Variants in RAD50 observed in about 807,000 individuals in gnomAD.
RAD50 encodes RAD50 double strand break repair protein, also known as DNA repair protein RAD50.
In RAD50, 132 loss-of-function variants were observed where a neutral mutation model predicts 168.8. The ratio of observed to expected loss-of-function variants is 0.78; its 90% CI spans 0.68 to 0.90. RAD50 has a LOEUF of 0.90. Among genes scored for constraint, RAD50 ranks in the 40% least tolerant of loss-of-function variants. The pLI, the probability that RAD50 is intolerant of heterozygous loss-of-function variation, is 0.00. For missense variants in RAD50, 1,347 were observed against 1,534.4 expected, an observed-to-expected ratio of 0.88 and a Z score of 2.04; for synonymous variants, 525 against 497.4, an observed-to-expected ratio of 1.06 and a Z score of -0.74.
In RAD50 at chr5:132,557,271, A is replaced by G; in HGVS notation, c.-54A>G. The G allele has an allele frequency of 6.2e-7, 1 of 1,601,096 alleles. No homozygotes were observed. Among genetic ancestry groups the G allele is most frequent in the Non-Finnish European group, 8.6e-7 (1 of 1,168,086 alleles). On this transcript the variant is annotated 5_prime_UTR_variant, in exon 1 of 25. Transcript: ENST00000378823. ...CCCGTGCACGCCTTGCTTCGGCCTC[A>G]GTTAAGCCTTTGTGGGCTCCAGGTC... is the stretch of plus-strand genomic sequence containing the variant.
At chr5:132,632,154 A>T (rs1376144376) in intron 21 of RAD50, among the ~76,000 whole-genome samples, 2 of 152,238 alleles carry the variant, frequency 1.3e-5, no homozygotes, top group African/African-American at 4.8e-5. Context: ...TTGGAATGTT[A>T]TGTTGATTAA....
At chr5:132,575,662 G>A (rs1466938873) in intron 2 of RAD50, 115 bp from the exon 3 acceptor site, 1 of 933,090 alleles carries the variant, frequency 1.1e-6, no homozygotes, top group Non-Finnish European at 1.7e-6. Context: ...CACTCATTTT[G>A]GATGTTTTTC....
intron 3 of RAD50, among the ~76,000 whole-genome samples, chr5:132,578,529 T>C (rs1221661703): frequency 2.7e-3 from 365 of 136,616 alleles, no homozygotes; most frequent in African/African-American, 8.9e-3. Flanking sequence ...TCTTTCTTTT[T>C]TTTTTTTTTT....
chr5:132,557,007 G>C lies in RAD50; in HGVS notation c.-318G>C, dbSNP rs971437916. 2 of 746,228 alleles carry C rather than the reference G, an allele frequency of 2.7e-6. No homozygotes were observed. Among genetic ancestry groups the C allele is most frequent in the Non-Finnish European group, 3.9e-6 (2 of 506,418 alleles). The allele number at this position is 746,228 out of a possible 1,614,324, so 46.2% of individuals were successfully genotyped here. ...ATCCGCAGGGCGGCCGAGGCAGGAA[G>C]CTGTGAGTGCGCGGTTGCGGGGTCG... On this transcript the variant is annotated 5_prime_UTR_variant, in exon 1 of 25. Coordinates refer to ENST00000378823, the MANE Select transcript of RAD50 (RefSeq NM_005732.4).
In RAD50 at chr5:132,557,118, G is replaced by T; in HGVS notation, c.-207G>T. On this transcript the variant is annotated 5_prime_UTR_variant, in exon 1 of 25. Transcript: ENST00000378823. ...CTCCCCACCGGCGGGGAAAGCAGCT[G>T]GTGTGGGAGGAAAGGCTCCATCCCC... 1 of 735,420 alleles carries T rather than the reference G, an allele frequency of 1.4e-6. No homozygotes were observed. The highest frequency in any genetic ancestry group is 2.2e-6 in the Non-Finnish European group (1 of 450,528). 45.6% of individuals were successfully genotyped at this position (735,420 alleles called of 1,614,324 possible).
Position 132,642,255 on chromosome 5 carries a change from T to C in RAD50, c.3830T>C (p.Leu1277Ser), listed in dbSNP as rs1465553844. The stretch of plus-strand genomic sequence containing the variant: ...CATGATGAAGATTTTGTGGAGCTTT[T>C]AGGACGTTCTGAATATGTGGAGAAA... ...ITHDEDFVELLGRSEYVEKFY... is the reference protein window; with the variant it reads ...ITHDEDFVELSGRSEYVEKFY... The change falls in exon 25 of 25, where the codon TTA (leucine) becomes TCA (serine). Residue 1277 changes from leucine to serine, a missense_variant. Leu to Ser is a moderately radical substitution (Grantham distance 145, BLOSUM62 -2). Around this residue, in one of 3 missense-constraint regions of RAD50, gnomAD observed 635 missense variants for 739.2 expected, o/e 0.86. Transcript: ENST00000378823. 6.2e-7 allele frequency: 1 copy of C among 1,614,140 alleles called. No individual in the cohort carries two copies. The highest frequency in any genetic ancestry group is 1.3e-5 in the African/African-American group (1 of 75,056).
In RAD50 at chr5:132,557,851, C is replaced by T. The variant is rs117396418; in HGVS notation, c.129+398C>T. 2.8e-4 allele frequency among the ~76,000 whole-genome samples: 42 copies of T among 152,332 alleles called. 1 individual carries two copies. In the East Asian group the frequency reaches 7.5e-3, roughly 27 times the overall value. On this transcript the variant is annotated intron_variant, in intron 1 of 24. Coordinates refer to ENST00000378823, the MANE Select transcript of RAD50 (RefSeq NM_005732.4). ...TTCCTTTAAAAGTTATAAAATGATA[C>T]ATACATGACTAAAGAGTTTCCAAGT...
At chr5:132,606,907 T>TA (rs1178968907) in intron 16 of RAD50, among the ~76,000 whole-genome samples, 10 of 152,154 alleles carry the variant, frequency 6.6e-5, no homozygotes, top group Admixed American at 3.9e-4. Context: ...AGGCCTTCGA[T>TA]AAAATTCAAC....
At chr5:132,640,294 A>G (rs1019613992) in intron 23 of RAD50, among the ~76,000 whole-genome samples, 6 of 152,264 alleles carry the variant, frequency 3.9e-5, no homozygotes, top group Non-Finnish European at 5.9e-5. Context: ...TTATCAGGCA[A>G]ATAGCCAGGT....
chr5:132,588,817 A>G lies in RAD50; in HGVS notation c.1182A>G (p.Lys394=), dbSNP rs781558076. ...ERGPFSERQI[K]NFHKLVRERQ... The stretch of plus-strand genomic sequence containing the variant: ...GACCATTCAGTGAAAGACAGATTAA[A>G]AATTTTCACAAACTTGTGAGAGAGA... The change falls in exon 8 of 25, where the codon AAA becomes AAG. Residue 394 remains lysine (K), a synonymous_variant. Coordinates refer to ENST00000378823, the MANE Select transcript of RAD50 (RefSeq NM_005732.4). 6.2e-7 allele frequency: 1 copy of G among 1,614,114 alleles called. No homozygotes were observed. The highest frequency in any genetic ancestry group is 1.7e-5 in the Admixed American group (1 of 60,016).
At chr5:132,624,853 CAGAA>C (rs1225303601) in intron 21 of RAD50, among the ~76,000 whole-genome samples, 2 of 101,498 alleles carry the variant, frequency 2.0e-5, no homozygotes, top group African/African-American at 8.6e-5. Flanking sequence ...GCGTGGGTGA[CAGAA>C]AGAGACCCTG....
At chr5:132,571,164 A>G (rs1343124919) in intron 2 of RAD50, among the ~76,000 whole-genome samples, 1 of 152,224 alleles carries the variant, frequency 6.6e-6, no homozygotes, top group African/African-American at 2.4e-5. Flanking sequence ...AGATCACTAT[A>G]ACAGATACAA....
In RAD50 at chr5:132,643,277, C is replaced by T; in HGVS notation, c.*913C>T. On this transcript the variant is annotated 3_prime_UTR_variant, in exon 25 of 25. Coordinates refer to ENST00000378823, the MANE Select transcript of RAD50 (RefSeq NM_005732.4). ...TCCAACCAGACCTGGAAGAACAGGC[C>T]TCTCCATTTGCTCTTCAGATGCCAC... 1 of 254,782 alleles carries T rather than the reference C, an allele frequency of 3.9e-6. No individual in the cohort carries two copies. The highest frequency in any genetic ancestry group is 8.0e-6 in the Non-Finnish European group (1 of 124,814). 15.8% of individuals were successfully genotyped at this position (254,782 alleles called of 1,614,324 possible).
chr5:132,595,470 G>A, intron 12 of RAD50, 103 bp from the exon 13 acceptor site: 3 of 699,930 alleles, frequency 4.3e-6, no homozygotes, highest in Non-Finnish European at 6.9e-6. Context: ...TATTTATAAA[G>A]CAAGAATAAT....
rs144186349 is a variant in RAD50 at position 132,603,390 on chromosome 5, C to T, written c.2298C>T (p.Asn766=). 19 of 1,613,548 alleles carry T rather than the reference C, an allele frequency of 1.2e-5. No individual in the cohort carries two copies. The highest frequency in any genetic ancestry group is 1.1e-4 in the African/African-American group (8 of 74,864). Residue 766 remains asparagine, a synonymous_variant, in exon 14 of 25, where the codon AAC becomes AAT. Transcript: ENST00000378823. The part of the protein sequence containing the change: ...NVNRDIQRLK[N]DIEEQETLLG... Reference sequence around the variant, plus strand: ...ATAGAGACATACAGCGCCTAAAGAACGACATAGAAGAACAAGAAACACTCT... The same window carrying T: ...ATAGAGACATACAGCGCCTAAAGAATGACATAGAAGAACAAGAAACACTCT...
At chr5:132,624,720 G>A (rs181289492) in intron 21 of RAD50, among the ~76,000 whole-genome samples, 110 of 152,028 alleles carry the variant, frequency 7.2e-4, no homozygotes, top group Admixed American at 2.9e-3. Flanking sequence ...GCAACATGGC[G>A]AAACCCCATC....
intron 15 of RAD50, 28 bp downstream of exon 15, chr5:132,604,074 C>T (rs1291379332): frequency 2.5e-6 from 4 of 1,611,202 alleles, no homozygotes; most frequent in Non-Finnish European, 3.4e-6. Flanking sequence ...CTTCTGTACT[C>T]ATAGAGACTT....
intron 2 of RAD50, among the ~76,000 whole-genome samples, chr5:132,560,550 A>G (rs965800917): frequency 2.6e-5 from 4 of 152,228 alleles, no homozygotes; most frequent in African/African-American, 9.6e-5. Context: ...AGAAATAGGA[A>G]GAATCAAATG....
Position 132,642,343 on chromosome 5 carries a change from C to A in RAD50, c.3918C>A (p.Ser1306=). The A allele has an allele frequency of 6.2e-7, 1 of 1,613,688 alleles. No homozygotes were observed. The highest frequency in any genetic ancestry group is 8.5e-7 in the Non-Finnish European group (1 of 1,179,740). Residue 1306 remains serine (S), a synonymous_variant, in exon 25 of 25, where the codon TCC becomes TCA. Coordinates refer to ENST00000378823, the MANE Select transcript of RAD50 (RefSeq NM_005732.4). ...AGATTGTGAAATGCAGTGTTAGCTC[C>A]CTGGGATTCAATGTTCATTAAAAAT... ...CSEIVKCSVS[S]LGFNVH
Sources: allele counts gnomAD v4.1 joint callset (sites outside exome capture counted in the v4.1 genomes callset), GRCh38; gene constraint gnomAD v4.1.1; regional missense constraint gnomAD v4.1.1; transcripts MANE v1.5; gene names NCBI Gene and HGNC (gene_info 2026-07-23, HGNC 2026-07-21).